Variants in NMNAT2 observed in about 807,000 individuals in gnomAD.
NMNAT2 encodes nicotinamide/nicotinic acid mononucleotide adenylyltransferase 2.
Under a neutral mutation model 41.6 loss-of-function variants are expected in NMNAT2, and 11 were observed. The observed-to-expected ratio is 0.26, with a 90% CI of 0.17 to 0.44. The LOEUF (loss-of-function observed/expected upper bound fraction) is 0.44, where lower values mean the gene tolerates loss of function less well. NMNAT2 is among the 20% of genes least tolerant of loss of function. NMNAT2 has a pLI of 1.00. For missense variants in NMNAT2, 288 were observed against 407.7 expected (o/e 0.71, Z 2.53); for synonymous variants, 148 against 151.2 (o/e 0.98, Z 0.16).
At chr1:183,312,288 G>A (rs1662140615) in intron 1 of NMNAT2, among the ~76,000 whole-genome samples, 1 of 149,102 alleles carries the variant, frequency 6.7e-6, no homozygotes, top group African/African-American at 2.5e-5. Context: ...TTGAAATGAG[G>A]TCTCACTATG....
intron 1 of NMNAT2, among the ~76,000 whole-genome samples, chr1:183,413,052 A>G (rs1389558741): frequency 1.3e-5 from 2 of 152,216 alleles, no homozygotes; most frequent in African/African-American, 4.8e-5. Flanking sequence ...GCTCACTTGT[A>G]TAATGCTAAA....
chr1:183,328,241 G>T (rs1662510663), intron 1 of NMNAT2, among the ~76,000 whole-genome samples: 1 of 152,122 alleles, frequency 6.6e-6, no homozygotes, highest in African/African-American at 2.4e-5. Flanking sequence ...TGGCTCCCTG[G>T]CTTCCTCCCC....
chr1:183,374,522 G>A (rs1004841530), intron 1 of NMNAT2, among the ~76,000 whole-genome samples: 2 of 152,218 alleles, frequency 1.3e-5, no homozygotes, highest in African/African-American at 4.8e-5. Flanking sequence ...TTAAAGGGGA[G>A]ATGAAAGCAA....
At chr1:183,375,434 GC>G (rs999526006) in intron 1 of NMNAT2, among the ~76,000 whole-genome samples, 2 of 152,068 alleles carry the variant, frequency 1.3e-5, no homozygotes, top group African/African-American at 4.8e-5. Context: ...AGCCTGACTT[GC>G]GCTTTCCCTC....
At chr1:183,372,815 T>C (rs968552384) in intron 1 of NMNAT2, among the ~76,000 whole-genome samples, 2 of 152,150 alleles carry the variant, frequency 1.3e-5, no homozygotes, top group Admixed American at 6.5e-5. Flanking sequence ...CTCTATGACA[T>C]AAAAAAGAAT....
intron 1 of NMNAT2, among the ~76,000 whole-genome samples, chr1:183,370,122 G>T (rs962451952): frequency 6.6e-6 from 1 of 151,840 alleles, no homozygotes; most frequent in African/African-American, 2.4e-5. Context: ...GTGGCAAAGG[G>T]CTCCTCTGTC....
intron 1 of NMNAT2, among the ~76,000 whole-genome samples, chr1:183,357,221 T>A (rs1221134053): frequency 2.1e-5 from 2 of 96,780 alleles, no homozygotes; most frequent in Non-Finnish European, 4.2e-5. Flanking sequence ...ATCAAATTCT[T>A]TTTTTTTTTT....
chr1:183,277,302 G>A (rs1414346422), intron 8 of NMNAT2, among the ~76,000 whole-genome samples: 2 of 152,026 alleles, frequency 1.3e-5, no homozygotes, highest in Non-Finnish European at 2.9e-5. Flanking sequence ...GGTCAACATG[G>A]CAAAATTCTG....
Position 183,395,445 on chromosome 1 carries a change from G to A in NMNAT2, c.85+22738C>T, listed in dbSNP as rs76205580. On this transcript the variant is annotated intron_variant, in intron 1 of 10. Transcript: ENST00000287713. ...GACATGGCCAAGAGGAGTTTCAGGAGGAAGAGAGATAAACCTGCTTCCAAT... is the reference window on the plus strand; with the variant it reads ...GACATGGCCAAGAGGAGTTTCAGGAAGAAGAGAGATAAACCTGCTTCCAAT... Among the ~76,000 whole-genome samples, 126 of 152,152 alleles carry A rather than the reference G, an allele frequency of 8.3e-4. 1 individual carries two copies. The East Asian group carries it at 0.02, about 24-fold the overall frequency.
chr1:183,393,886 A>G (rs943105325), intron 1 of NMNAT2, among the ~76,000 whole-genome samples: 1 of 152,172 alleles, frequency 6.6e-6, no homozygotes, highest in East Asian at 1.9e-4. Flanking sequence ...AAAAACATTA[A>G]CTGAGTGCTT....
At chr1:183,280,872 G>A (rs913689455) in intron 7 of NMNAT2, among the ~76,000 whole-genome samples, 6 of 130,308 alleles carry the variant, frequency 4.6e-5, no homozygotes, top group South Asian at 2.6e-4. Flanking sequence ...CGCAACCTCC[G>A]CCTCCTGGGT....
intron 1 of NMNAT2, among the ~76,000 whole-genome samples, chr1:183,370,871 C>T (rs904993501): frequency 4.6e-5 from 7 of 152,266 alleles, no homozygotes; most frequent in South Asian, 2.1e-4. Context: ...CTGCCCTGTC[C>T]GGTGTGCTTT....
At chr1:183,333,712 A>G (rs1014987515) in intron 1 of NMNAT2, among the ~76,000 whole-genome samples, 2 of 151,994 alleles carry the variant, frequency 1.3e-5, no homozygotes, top group South Asian at 4.1e-4. Context: ...TGTAACAGCA[A>G]TAATAGGAAA....
chr1:183,304,699 C>A (rs199892451), intron 1 of NMNAT2: 1 of 1,614,130 alleles, frequency 6.2e-7, no homozygotes. Context: ...TTCCCAGAGC[C>A]CCTGGCAGGC....
chr1:183,360,153 T>G (rs561281923), intron 1 of NMNAT2, among the ~76,000 whole-genome samples: 1 of 152,296 alleles, frequency 6.6e-6, no homozygotes, highest in East Asian at 1.9e-4. Flanking sequence ...GCTCAATAGT[T>G]TGCTCTCAGA....
At chr1:183,290,310 A>T in intron 3 of NMNAT2, 104 bp from the exon 4 acceptor site, 1 of 856,868 alleles carries the variant, frequency 1.2e-6, no homozygotes, top group African/African-American at 1.7e-5. Context: ...AGATCTGGCC[A>T]TACCATGCGC....
In NMNAT2 at chr1:183,261,249, C is replaced by T. The variant is rs564457240; in HGVS notation, c.706G>A (p.Asp236Asn). The change falls in exon 9 of 11, where the codon GAC becomes AAC. Residue 236 changes from aspartate (D) to asparagine (N), a missense_variant. Coordinates refer to ENST00000287713, the MANE Select transcript of NMNAT2 (RefSeq NM_015039.4). Reference sequence around the variant, plus strand: ...GAGTGATTCATGATTCGGTCTGTGTCGGCTGCATCCCGGGGCACCACCACA... The same window carrying T: ...GAGTGATTCATGATTCGGTCTGTGTTGGCTGCATCCCGGGGCACCACCACA... Reference protein sequence around the residue: ...GIVVVPRDAADTDRIMNHSSI... With the variant: ...GIVVVPRDAANTDRIMNHSSI... 1.5e-5 allele frequency: 25 copies of T among 1,614,080 alleles called. No homozygotes were observed. The highest frequency in any genetic ancestry group is 9.3e-5 in the African/African-American group (7 of 75,032).
chr1:183,382,089 T>C (rs1299762931), intron 1 of NMNAT2, among the ~76,000 whole-genome samples: 4 of 152,250 alleles, frequency 2.6e-5, no homozygotes, highest in Non-Finnish European at 2.9e-5. Context: ...CAGTTTCATA[T>C]GCTGCACAGC....
intron 4 of NMNAT2, 106 bp downstream of exon 4, chr1:183,290,022 T>C (rs1226300406): frequency 4.8e-6 from 4 of 831,488 alleles, no homozygotes; most frequent in Non-Finnish European, 3.8e-6. Context: ...AGCAGGTCGA[T>C]AGGCCAGCAG....
Sources: gnomAD v4.1 joint callset for allele counts (sites outside exome capture counted in the v4.1 genomes callset) on GRCh38, gnomAD v4.1.1 for gene constraint, MANE v1.5 for transcripts, NCBI Gene and HGNC (gene_info 2026-07-23, HGNC 2026-07-21) for gene names.